Variants in NAA40 observed in about 807,000 individuals in gnomAD.
The protein encoded by NAA40 is N-alpha-acetyltransferase 40.
NAA40 carries 26 observed loss-of-function variants against 36.6 expected under a neutral mutation model. That is an observed-to-expected ratio of 0.71 (90% CI 0.52 to 0.98). The LOEUF is 0.98. Ranked by LOEUF, NAA40 falls within the 50% of genes least tolerant of loss-of-function variation. NAA40 has a pLI of 0.00. For missense variants in NAA40, 237 were observed against 306.5 expected, an observed-to-expected ratio of 0.77 and a Z score of 1.69; for synonymous variants, 129 against 108.4, an observed-to-expected ratio of 1.19 and a Z score of -1.18.
chr11:63,945,935 G>T lies in NAA40; in HGVS notation c.102G>T (p.Arg34Ser). 2 of 1,613,764 alleles carry T rather than the reference G, an allele frequency of 1.2e-6. No homozygotes were observed. Among genetic ancestry groups the T allele is most frequent in the Non-Finnish European group, 1.7e-6 (2 of 1,179,696 alleles). ...AVCAKVDAAN[R>S]LGDPLEAFPV... ...GTGCCAAAGTGGACGCTGCCAACAG[G>T]GTGATTCTCCCTTTCTTCCCAGTCC... Residue 34 changes from arginine to serine, a missense_variant and splice_region_variant, in exon 2 of 8, where the codon AGG becomes AGT. Coordinates refer to ENST00000377793, the MANE Select transcript of NAA40 (RefSeq NM_024771.4).
At position 63,952,818 on chromosome 11, in the gene NAA40, TC is replaced by T; in HGVS notation, c.475del (p.Leu159CysfsTer10). On this transcript the variant is annotated frameshift_variant, in exon 6 of 8. Transcript: ENST00000377793. LOFTEE classifies it high-confidence loss of function. ...RKGLGKFLIQILQLMANSTQM... is the reference protein window; with the variant it reads ...RKGLGKFLIQXLQLMANSTQM... ...GGCCTGGGGAAGTTCCTCATACAGA[TC>T]CTGCAGCTCATGGCCAACAGGTAAG... 1 of 1,614,090 alleles carries T rather than the reference TC, an allele frequency of 6.2e-7. No individual in the cohort carries two copies. Among genetic ancestry groups the T allele is most frequent in the Non-Finnish European group, 8.5e-7 (1 of 1,180,018 alleles).
intron 1 of NAA40, among the ~76,000 whole-genome samples, chr11:63,944,060 GT>G (rs1421852561): frequency 6.6e-6 from 1 of 152,180 alleles, no homozygotes; most frequent in Non-Finnish European, 1.5e-5. Flanking sequence ...TTAATAGCTG[GT>G]GTTGGTAGAG....
Position 63,954,894 on chromosome 11 carries a change from TG to T in NAA40, c.*419del, listed in dbSNP as rs1315653795. The T allele has an allele frequency of 3.9e-5, 6 of 155,564 alleles. No homozygotes were observed. Among genetic ancestry groups the T allele is most frequent in the African/African-American group, 1.4e-4 (6 of 41,714 alleles). 9.6% of individuals were successfully genotyped at this position (155,564 alleles called of 1,614,324 possible). Reference sequence around the variant, plus strand: ...TATGAAAGTTCTGGAGTCCTGGGTCTGGGGTTTGCTGGTCCCCAAAGAGGAA... The same window carrying T: ...TATGAAAGTTCTGGAGTCCTGGGTCTGGGTTTGCTGGTCCCCAAAGAGGAA... On this transcript the variant is annotated 3_prime_UTR_variant, in exon 8 of 8. Coordinates refer to ENST00000377793, the MANE Select transcript of NAA40 (RefSeq NM_024771.4).
chr11:63,956,163 C>G lies in NAA40; in HGVS notation c.*1684C>G, dbSNP rs1406667716. ...GAACTCCTTAGAGAGGGCCTTGCAG[C>G]TTTACACTGGAATAAGTCTGCCTCT... On this transcript the variant is annotated 3_prime_UTR_variant, in exon 8 of 8. Transcript: ENST00000377793. 1 of 152,700 alleles carries G rather than the reference C, an allele frequency of 6.5e-6. No individual in the cohort carries two copies. Among genetic ancestry groups the G allele is most frequent in the East Asian group, 1.9e-4 (1 of 5,204 alleles). The allele number at this position is 152,700 out of a possible 1,614,324, so 9.5% of individuals were successfully genotyped here. A position where few individuals can be genotyped will look rare whatever the true frequency, so the allele number is the denominator to read the frequency against.
Position 63,952,515 on chromosome 11 carries a change from C to T in NAA40, c.360C>T (p.Ala120=). The part of the protein sequence containing the change: ...IAWENSSVPV[A]FSHFRFDVEC... Reference sequence around the variant, plus strand: ...GGGAAAACAGCTCCGTCCCTGTTGCCTTTTCTCACTTCCGGTTTGACGTGG... The same window carrying T: ...GGGAAAACAGCTCCGTCCCTGTTGCTTTTTCTCACTTCCGGTTTGACGTGG... Residue 120 remains alanine (A), a synonymous_variant, in exon 5 of 8, where the codon GCC becomes GCT. Coordinates refer to ENST00000377793, the MANE Select transcript of NAA40 (RefSeq NM_024771.4). 4 of 1,614,162 alleles carry T rather than the reference C, an allele frequency of 2.5e-6. No individual in the cohort carries two copies. Among genetic ancestry groups the T allele is most frequent in the South Asian group, 1.1e-5 (1 of 91,078 alleles).
intron 1 of NAA40, among the ~76,000 whole-genome samples, chr11:63,943,380 A>G (rs1942137232): frequency 6.6e-6 from 1 of 152,178 alleles, no homozygotes; most frequent in Non-Finnish European, 1.5e-5. Context: ...GCAATGAGAA[A>G]GGAGTTGCCG....
rs1265078155 is a variant in NAA40, at chr11:63,954,030, T to C, written c.553T>C (p.Phe185Leu). 26 of 1,614,162 alleles carry C rather than the reference T, an allele frequency of 1.6e-5. No individual in the cohort carries two copies. The highest frequency in any genetic ancestry group is 2.1e-5 in the Non-Finnish European group (25 of 1,180,016). ...TAAACACAATCATGGTGCCTACCAG[T>C]TCTTCAGAGAAGCGTTGCAGTAAGG... ...VFKHNHGAYQ[F>L]FREALQFEID... The change falls in exon 7 of 8, where the codon TTC (phenylalanine) becomes CTC (leucine). Residue 185 changes from phenylalanine (F) to leucine (L), a missense_variant. Coordinates refer to ENST00000377793, the MANE Select transcript of NAA40 (RefSeq NM_024771.4).
intron 2 of NAA40, chr11:63,946,304 C>T (rs562848268): frequency 4.4e-5 from 11 of 250,900 alleles, no homozygotes; most frequent in Non-Finnish European, 1.6e-5. Context: ...GCCTCTGCCG[C>T]CTGGGCCCAA....
At chr11:63,943,949 C>G (rs1286550115) in intron 1 of NAA40, among the ~76,000 whole-genome samples, 1 of 152,204 alleles carries the variant, frequency 6.6e-6, no homozygotes. Flanking sequence ...TTCCAGGAGT[C>G]CAGCCTTATG....
chr11:63,939,610 T>A (rs1453957071), intron 1 of NAA40: 6 of 462,838 alleles, frequency 1.3e-5, no homozygotes, highest in Non-Finnish European at 1.7e-5. Context: ...GTTACTCGAG[T>A]CTCAGCGAAG....
intron 1 of NAA40, chr11:63,939,384 A>G: frequency 1.7e-6 from 2 of 1,142,878 alleles, no homozygotes; most frequent in Non-Finnish European, 2.1e-6. Context: ...CCTCCCCACC[A>G]CCGTCCCCCG....
At position 63,949,743 on chromosome 11, in the gene NAA40, G is replaced by GTT. The variant is rs10708671; in HGVS notation, c.156-2477_156-2476dup. Among the ~76,000 whole-genome samples the GTT allele has an allele frequency of 5.7e-3, 613 of 108,410 alleles. 16 individuals carry two copies. The East Asian group carries it at 0.061, about 11-fold the overall frequency. 71.1% of individuals were successfully genotyped at this position (108,410 alleles called of 152,430 possible). On this transcript the variant is annotated intron_variant, in intron 3 of 7. Coordinates refer to ENST00000377793, the MANE Select transcript of NAA40 (RefSeq NM_024771.4). ...GATGATGATGCCAAACTTGCAAGCT[G>GTT]TTTTTTTTTTTTTTTTTTTGAGATG...
At chr11:63,950,761 C>T (rs1201469420) in intron 3 of NAA40, among the ~76,000 whole-genome samples, 1 of 152,210 alleles carries the variant, frequency 6.6e-6, no homozygotes, top group African/African-American at 2.4e-5. Flanking sequence ...TGTGCCCGGC[C>T]TCATAGTGTT....
intron 3 of NAA40, among the ~76,000 whole-genome samples, chr11:63,951,828 C>T (rs1414601843): frequency 6.6e-6 from 1 of 152,112 alleles, no homozygotes; most frequent in Non-Finnish European, 1.5e-5. Flanking sequence ...GAGGAGTCAG[C>T]TCAGAAATTA....
intron 1 of NAA40, among the ~76,000 whole-genome samples, chr11:63,940,090 G>T (rs1942084516): frequency 8.1e-6 from 1 of 123,694 alleles, no homozygotes; most frequent in Non-Finnish European, 1.6e-5. Flanking sequence ...TGCTCTTGTC[G>T]CCGAAGCTGG....
intron 1 of NAA40, among the ~76,000 whole-genome samples, chr11:63,942,605 T>C (rs1034738488): frequency 6.6e-6 from 1 of 152,248 alleles, no homozygotes. Flanking sequence ...TGAGCTTTAC[T>C]GTTCACTGTG....
intron 2 of NAA40, 135 bp downstream of exon 2, chr11:63,946,070 G>T: frequency 1.3e-6 from 1 of 767,996 alleles, no homozygotes; most frequent in Non-Finnish European, 2.2e-6. Context: ...TTGCTGTGCA[G>T]GGAACTGAGC....
intron 1 of NAA40, among the ~76,000 whole-genome samples, chr11:63,944,859 C>T (rs1436279055): frequency 6.9e-6 from 1 of 144,022 alleles, no homozygotes; most frequent in Non-Finnish European, 1.5e-5. Context: ...ACCGAGATCT[C>T]ACCACTGCAT....
rs762115855 is a variant in NAA40, at chr11:63,939,049, C to T, written c.-48C>T. 3.9e-5 allele frequency: 62 copies of T among 1,601,570 alleles called. No homozygotes were observed. The highest frequency in any genetic ancestry group is 2.4e-4 in the Admixed American group (14 of 59,526). On this transcript the variant is annotated 5_prime_UTR_variant, in exon 1 of 8. Transcript: ENST00000377793. ...TTGCAGCCACCGCCGTTGCCGCCTC[C>T]CTGCCGGCAAGTGTGTGAAGAAGAA...
Sources: allele counts gnomAD v4.1 joint callset (sites outside exome capture counted in the v4.1 genomes callset), GRCh38; gene constraint gnomAD v4.1.1; transcripts MANE v1.5; gene names NCBI Gene and HGNC (gene_info 2026-07-23, HGNC 2026-07-21).